The following CC2D2A variants were observed in gnomAD, a reference collection of about 807,000 sequenced individuals.
The protein encoded by CC2D2A is coiled-coil and C2 domain-containing protein 2A.
CC2D2A carries 155 observed loss-of-function variants against 212.9 expected under a neutral mutation model. That is an observed-to-expected ratio of 0.73 (90% CI 0.64 to 0.83). CC2D2A has a LOEUF of 0.83. Ranked by LOEUF, CC2D2A falls within the 40% of genes least tolerant of loss-of-function variation. CC2D2A has a pLI of 0.00. For synonymous variants in CC2D2A, 667 were observed against 686.5 expected (o/e 0.97, Z 0.44); for missense variants, 1,856 against 1,956.2 (o/e 0.95, Z 0.97).
intron 18 of CC2D2A, among the ~76,000 whole-genome samples, chr4:15,552,485 A>G (rs937497378): frequency 1.3e-5 from 2 of 152,094 alleles, no homozygotes; most frequent in African/African-American, 4.8e-5. Flanking sequence ...CCAAAGCACA[A>G]ATTTTCTATA....
intron 5 of CC2D2A, 91 bp from the exon 6 acceptor site, chr4:15,502,731 C>T (rs1716030363): frequency 4.2e-6 from 5 of 1,184,496 alleles, no homozygotes; most frequent in Non-Finnish European, 6.0e-6. Flanking sequence ...CCTTGCTCTT[C>T]CCCTTAAAGA....
chr4:15,486,308 C>A (rs1164875545), intron 4 of CC2D2A, among the ~76,000 whole-genome samples: 1 of 152,024 alleles, frequency 6.6e-6, no homozygotes, highest in Non-Finnish European at 1.5e-5. Context: ...AAGAGAAACA[C>A]TTTTTATTAC....
At chr4:15,584,604 A>T (rs1030577535) in intron 30 of CC2D2A, among the ~76,000 whole-genome samples, 1 of 152,218 alleles carries the variant, frequency 6.6e-6, no homozygotes, top group South Asian at 2.1e-4. Flanking sequence ...TTTTTTTAGT[A>T]AGACCTCAAA....
At chr4:15,551,176 T>A (rs576777099) in intron 18 of CC2D2A, among the ~76,000 whole-genome samples, 196 bp downstream of exon 18, 1 of 152,242 alleles carries the variant, frequency 6.6e-6, no homozygotes, top group Non-Finnish European at 1.5e-5. Context: ...TGCATATAAC[T>A]GTGCAACTAT....
chr4:15,546,323 C>T (rs1430938709), intron 17 of CC2D2A, among the ~76,000 whole-genome samples: 2 of 152,122 alleles, frequency 1.3e-5, no homozygotes, highest in African/African-American at 4.8e-5. Flanking sequence ...TAACTTTATC[C>T]TACATTCATC....
At chr4:15,497,625 C>T (rs1291271666) in intron 4 of CC2D2A, among the ~76,000 whole-genome samples, 1 of 152,212 alleles carries the variant, frequency 6.6e-6, no homozygotes, top group Non-Finnish European at 1.5e-5. Flanking sequence ...TTCCTACCAG[C>T]ATAGAAGTTT....
At chr4:15,484,322 GA>G (rs2108978717) in intron 4 of CC2D2A, among the ~76,000 whole-genome samples, 1 of 152,192 alleles carries the variant, frequency 6.6e-6, no homozygotes, top group East Asian at 1.9e-4. Context: ...GAACAACAAG[GA>G]AAAGGAAAAA....
chr4:15,514,762 A>G lies in CC2D2A; in HGVS notation c.773A>G (p.Asp258Gly). 6.2e-7 allele frequency: 1 copy of G among 1,613,122 alleles called. No homozygotes were observed. Among genetic ancestry groups the G allele is most frequent in the Non-Finnish European group, 8.5e-7 (1 of 1,179,222 alleles). ...DDAEDFLLGL[D>G]HVADDFVAVR... is the part of the protein sequence containing the mutation. ...GCCGAGGACTTCCTATTGGGCTTAG[A>G]TCACGTGGCTGACGATTTTGTAGCA... Residue 258 changes from aspartate (D) to glycine (G), a missense_variant, in exon 9 of 37, where the codon GAT (aspartate) becomes GGT (glycine). Around this residue, in one of 5 missense-constraint regions of CC2D2A, gnomAD observed 1,512 missense variants for 1,579.3 expected, o/e 0.96. Transcript: ENST00000424120.
At chr4:15,479,448 A>G in intron 3 of CC2D2A, 1 of 813,786 alleles carries the variant, frequency 1.2e-6, no homozygotes, top group East Asian at 2.7e-5. Context: ...GAGAAGCGCC[A>G]TTTTGAGCCA....
At chr4:15,516,889 C>A in intron 11 of CC2D2A, 133 bp downstream of exon 11, 9 of 706,268 alleles carry the variant, frequency 1.3e-5, no homozygotes, top group East Asian at 3.8e-5. Context: ...ACATAAAGAA[C>A]AAACATCAGG....
chr4:15,515,743 T>C, intron 9 of CC2D2A, 125 bp from the exon 10 acceptor site: 1 of 947,584 alleles, frequency 1.1e-6, no homozygotes, highest in Non-Finnish European at 1.5e-6. Flanking sequence ...TTTTAAAAAT[T>C]AATTTGGAAA....
intron 1 of CC2D2A, among the ~76,000 whole-genome samples, chr4:15,474,826 GGTC>G (rs1714069293): frequency 6.6e-6 from 1 of 152,130 alleles, no homozygotes; most frequent in African/African-American, 2.4e-5. Context: ...GCAACGCAGG[GGTC>G]ACTGGAGATG....
chr4:15,530,117 G>A (rs1001796889), intron 13 of CC2D2A, among the ~76,000 whole-genome samples: 8 of 151,120 alleles, frequency 5.3e-5, no homozygotes, highest in Admixed American at 1.3e-4. Flanking sequence ...GACTACAGGC[G>A]CCCGCCACTA....
chr4:15,566,297 T>C (rs1294893706), intron 24 of CC2D2A, among the ~76,000 whole-genome samples: 1 of 152,010 alleles, frequency 6.6e-6, no homozygotes, highest in Admixed American at 6.6e-5. Context: ...CCCCAGGAGA[T>C]TCCTTGCCTG....
chr4:15,589,449 G>C, intron 32 of CC2D2A, 96 bp from the exon 33 acceptor site: 1 of 1,014,670 alleles, frequency 9.9e-7, no homozygotes, highest in Non-Finnish European at 1.4e-6. Flanking sequence ...CAGAAATTAA[G>C]GGTCCAAGTA....
chr4:15,537,021 A>T lies in CC2D2A; in HGVS notation c.1709A>T (p.Lys570Met). 1.9e-6 allele frequency: 3 copies of T among 1,613,766 alleles called. No individual in the cohort carries two copies. Among genetic ancestry groups the T allele is most frequent in the Non-Finnish European group, 2.5e-6 (3 of 1,179,726 alleles). ...LEEHTEEYAQKMEEYRTSLQQ... is the reference protein window; with the variant it reads ...LEEHTEEYAQMMEEYRTSLQQ... The stretch of plus-strand genomic sequence containing the variant: ...GAGCACACGGAGGAGTACGCACAGA[A>T]GATGGAAGAATACAGAACGTCGTTA... Residue 570 changes from lysine to methionine, a missense_variant, in exon 15 of 37, where the codon AAG becomes ATG. Around this residue, in one of 5 missense-constraint regions of CC2D2A, gnomAD observed 1,512 missense variants for 1,579.3 expected, o/e 0.96. Coordinates refer to ENST00000424120, the MANE Select transcript of CC2D2A (RefSeq NM_001378615.1).
At chr4:15,513,104 C>T (rs990612572) in intron 8 of CC2D2A, among the ~76,000 whole-genome samples, 2 of 152,090 alleles carry the variant, frequency 1.3e-5, no homozygotes, top group East Asian at 1.9e-4. Flanking sequence ...AAATGCCTCC[C>T]GGAAATGTAC....
intron 20 of CC2D2A, 22 bp downstream of exon 20, chr4:15,555,232 T>C (rs754889698): frequency 8.1e-6 from 13 of 1,607,288 alleles, no homozygotes; most frequent in Admixed American, 3.4e-5. Context: ...GAGGCACACA[T>C]GCCATTTCTT....
At chr4:15,538,201 G>GCA (rs1163323383) in intron 16 of CC2D2A, 64 bp downstream of exon 16, 2 of 1,454,206 alleles carry the variant, frequency 1.4e-6, no homozygotes, top group South Asian at 1.5e-5. Context: ...GTGGGCACAT[G>GCA]CACACACACA....
Sources: allele counts gnomAD v4.1 joint callset (sites outside exome capture counted in the v4.1 genomes callset), GRCh38; gene constraint gnomAD v4.1.1; regional missense constraint gnomAD v4.1.1; transcripts MANE v1.5; gene names NCBI Gene and HGNC (gene_info 2026-07-23, HGNC 2026-07-21).